Variants in GFOD2 observed in about 807,000 individuals in gnomAD.
The protein encoded by GFOD2 is Gfo/Idh/MocA-like oxidoreductase domain containing 2, also known as glucose-fructose oxidoreductase domain-containing protein 2.
Under a neutral mutation model 24.6 loss-of-function variants are expected in GFOD2, and 9 were observed. The ratio of observed to expected loss-of-function variants is 0.37; its 90% CI spans 0.22 to 0.64. The LOEUF (loss-of-function observed/expected upper bound fraction) is 0.64. GFOD2 is among the 30% of genes least tolerant of loss of function. The pLI is 0.65. For missense variants in GFOD2, 476 were observed against 532.5 expected (o/e 0.89, Z 1.04); for synonymous variants, 211 against 224.8 (o/e 0.94, Z 0.55).
chr16:67,716,654 G>A (rs1006334091), intron 1 of GFOD2, among the ~76,000 whole-genome samples: 1 of 152,154 alleles, frequency 6.6e-6, no homozygotes, highest in Non-Finnish European at 1.5e-5. Flanking sequence ...CTGGGTCAAC[G>A]TGAAAGTAAT....
At chr16:67,705,802 CG>C (rs1225877890) in intron 1 of GFOD2, among the ~76,000 whole-genome samples, 1 of 151,200 alleles carries the variant, frequency 6.6e-6, no homozygotes, top group African/African-American at 2.4e-5. Context: ...TAGCTGGGCA[CG>C]GTGGCAGATG....
intron 1 of GFOD2, among the ~76,000 whole-genome samples, chr16:67,700,483 C>T (rs553607643): frequency 1.2e-4 from 19 of 152,132 alleles, no homozygotes; most frequent in African/African-American, 3.4e-4. Flanking sequence ...AGGCCGGGCA[C>T]GGTGGCTCAC....
Position 67,675,489 on chromosome 16 carries a change from G to A in GFOD2, c.824C>T (p.Thr275Met), listed in dbSNP as rs546995258. 2.7e-5 allele frequency: 44 copies of A among 1,612,138 alleles called. No homozygotes were observed. The highest frequency in any genetic ancestry group is 8.9e-5 in the East Asian group (4 of 44,890). ...ADLYGQKNSA[T>M]QEELLLRDSL... is the part of the protein sequence containing the mutation. ...GTCCCTCAAGAGCAGCTCCTCTTGC[G>A]TGGCAGAGTTCTTCTGCCCATAGAG... Residue 275 changes from threonine to methionine, a missense_variant, in exon 3 of 3, where the codon ACG becomes ATG. Physicochemically the swap from Thr to Met is moderately conservative, Grantham distance 81. Coordinates refer to ENST00000268797, the MANE Select transcript of GFOD2 (RefSeq NM_030819.4).
chr16:67,714,473 C>CAAAAAAAA (rs1265596335), intron 1 of GFOD2, among the ~76,000 whole-genome samples: 1 of 53,674 alleles, frequency 1.9e-5, no homozygotes, highest in African/African-American at 7.1e-5. Flanking sequence ...AACACTGTCT[C>CAAAAAAAA]AAAAAAAAAA....
chr16:67,714,442 C>T (rs1357484510), intron 1 of GFOD2, among the ~76,000 whole-genome samples: 2 of 144,598 alleles, frequency 1.4e-5, no homozygotes, highest in African/African-American at 5.2e-5. Flanking sequence ...TGTGCCACTA[C>T]ACTCCAGCCT....
intron 1 of GFOD2, among the ~76,000 whole-genome samples, chr16:67,711,671 G>T (rs1432286498): frequency 6.6e-6 from 1 of 152,176 alleles, no homozygotes; most frequent in Non-Finnish European, 1.5e-5. Flanking sequence ...CTAAACTCCT[G>T]ATGTTTCTCC....
intron 1 of GFOD2, among the ~76,000 whole-genome samples, chr16:67,700,653 A>AC (rs200507474): frequency 0.029 from 4,413 of 151,994 alleles, 98 homozygotes; most frequent in Middle Eastern, 0.16. Flanking sequence ...TAGAGGTTGC[A>AC]GTGAACTGAG....
At chr16:67,684,681 A>G (rs111934528) in intron 2 of GFOD2, 94,842 of 898,570 alleles carry the variant, frequency 0.11, 5,587 homozygotes, top group African/African-American at 0.22. Flanking sequence ...GGGCAACAAG[A>G]GGGAAACTCT....
At chr16:67,711,354 C>G (rs780249174) in intron 1 of GFOD2, among the ~76,000 whole-genome samples, 14 of 152,334 alleles carry the variant, frequency 9.2e-5, no homozygotes, top group Non-Finnish European at 1.8e-4. Flanking sequence ...CACCCGACTT[C>G]CACAACACAA....
chr16:67,691,199 C>A (rs2053310094), intron 1 of GFOD2, among the ~76,000 whole-genome samples: 1 of 151,360 alleles, frequency 6.6e-6, no homozygotes, highest in Non-Finnish European at 1.5e-5. Flanking sequence ...TACTCCTGAT[C>A]TTGGTCACTA....
chr16:67,683,425 TG>T, intron 2 of GFOD2: 1 of 1,229,614 alleles, frequency 8.1e-7, no homozygotes, highest in Non-Finnish European at 1.0e-6. Flanking sequence ...AGGAGTCAAG[TG>T]ACCAATAGCG....
chr16:67,712,138 G>A (rs934963249), intron 1 of GFOD2, among the ~76,000 whole-genome samples: 1 of 152,166 alleles, frequency 6.6e-6, no homozygotes, highest in African/African-American at 2.4e-5. Flanking sequence ...TTCCTGCACA[G>A]TCAATAAACT....
chr16:67,707,399 G>A (rs1018349569), intron 1 of GFOD2, among the ~76,000 whole-genome samples: 1 of 151,454 alleles, frequency 6.6e-6, no homozygotes, highest in Admixed American at 6.6e-5. Flanking sequence ...AGTTTGGAGA[G>A]GATATGCGGC....
chr16:67,703,948 C>A lies in GFOD2; in HGVS notation c.-88+15215G>T, dbSNP rs1199599917. ...TAAGTGGAATCATACAGTATGTGTG[C>A]TTCTATGTCTGGCTGATTTCACTCA... On this transcript the variant is annotated intron_variant, in intron 1 of 2. Transcript: ENST00000268797. Among the ~76,000 whole-genome samples, 7 of 152,290 alleles carry A rather than the reference C, an allele frequency of 4.6e-5. No homozygotes were observed. The East Asian group carries it at 1.3e-3, about 29-fold the overall frequency.
chr16:67,714,817 A>C (rs1165100370), intron 1 of GFOD2, among the ~76,000 whole-genome samples: 1 of 152,214 alleles, frequency 6.6e-6, no homozygotes, highest in Non-Finnish European at 1.5e-5. Flanking sequence ...GGAATGACTT[A>C]GAAAGGTGGC....
chr16:67,711,812 T>C (rs2142997626), intron 1 of GFOD2, among the ~76,000 whole-genome samples: 1 of 152,298 alleles, frequency 6.6e-6, no homozygotes, highest in Admixed American at 6.5e-5. Context: ...ATCTGATCCA[T>C]TAACAAGTCT....
intron 1 of GFOD2, among the ~76,000 whole-genome samples, chr16:67,699,049 A>T (rs1200631655): frequency 6.6e-6 from 1 of 152,150 alleles, no homozygotes; most frequent in Non-Finnish European, 1.5e-5. Context: ...AGCAAATTAA[A>T]TCTAGCAATG....
chr16:67,693,961 A>G (rs1163345883), intron 1 of GFOD2, among the ~76,000 whole-genome samples: 2 of 151,038 alleles, frequency 1.3e-5, no homozygotes, highest in East Asian at 3.9e-4. Context: ...AAAAAAACCA[A>G]CCCCCATAAT....
intron 1 of GFOD2, among the ~76,000 whole-genome samples, chr16:67,715,039 T>C (rs2053497655): frequency 6.6e-6 from 1 of 152,174 alleles, no homozygotes; most frequent in South Asian, 2.1e-4. Flanking sequence ...TTCTTCCTTC[T>C]TAATGTTTAA....
Sources: allele counts gnomAD v4.1 joint callset (sites outside exome capture counted in the v4.1 genomes callset), GRCh38; gene constraint gnomAD v4.1.1; transcripts MANE v1.5; gene names NCBI Gene and HGNC (gene_info 2026-07-23, HGNC 2026-07-21).